The following MAP7D1 variants were observed in gnomAD, a reference collection of about 807,000 sequenced individuals.
MAP7D1 encodes MAP7 domain-containing protein 1.
In MAP7D1, 30 loss-of-function variants were observed where a neutral mutation model predicts 97.5. The observed-to-expected ratio is 0.31, with a 90% CI of 0.23 to 0.42. The LOEUF (loss-of-function observed/expected upper bound fraction) is 0.42, where lower values mean the gene tolerates loss of function less well. Ranked by LOEUF, MAP7D1 falls within the 10% of genes least tolerant of loss-of-function variation. The pLI is 1.00. For synonymous variants in MAP7D1, 536 were observed against 477.1 expected, an observed-to-expected ratio of 1.12 and a Z score of -1.61; for missense variants, 1,184 against 1,179.5, an observed-to-expected ratio of 1.00 and a Z score of -0.06.
In MAP7D1 at chr1:36,171,073, A is replaced by T; in HGVS notation, c.149A>T (p.Asp50Val). 1 of 1,374,764 alleles carries T rather than the reference A, an allele frequency of 7.3e-7. No individual in the cohort carries two copies. Among genetic ancestry groups the T allele is most frequent in the Non-Finnish European group, 9.7e-7 (1 of 1,033,192 alleles). 85.2% of individuals were successfully genotyped at this position (1,374,764 alleles called of 1,614,324 possible). A position where few individuals can be genotyped will look rare whatever the true frequency, so the allele number is the denominator to read the frequency against. Residue 50 changes from aspartate (D) to valine (V), a missense_variant, in exon 2 of 17, where the codon GAC becomes GTC. Asp to Val is a radical substitution (Grantham distance 152). Transcript: ENST00000474796. The part of the protein sequence containing the change: ...MSALVPDTPP[D>V]TPPAMKNATS... The stretch of plus-strand genomic sequence containing the variant: ...GCCCTGGTCCCCGACACTCCCCCGG[A>T]CACCCCTCCTGCCATGAAGAATGCC...
chr1:36,177,572 C>T, intron 8 of MAP7D1: 1 of 665,732 alleles, frequency 1.5e-6, no homozygotes, highest in African/African-American at 1.8e-5. Context: ...ATGGACCTGT[C>T]AGGTAGCACT....
intron 1 of MAP7D1, among the ~76,000 whole-genome samples, chr1:36,164,508 G>A (rs1644450676): frequency 6.6e-6 from 1 of 152,208 alleles, no homozygotes. Flanking sequence ...GGGCAAATAG[G>A]AGTTAGCTAA....
chr1:36,156,538 C>T, intron 1 of MAP7D1, 75 bp downstream of exon 1: 1 of 1,244,516 alleles, frequency 8.0e-7, no homozygotes. Flanking sequence ...TGAGGCCGGC[C>T]GGCTGGGCGG....
Position 36,178,489 on chromosome 1 carries a change from C to T in MAP7D1, c.1779C>T (p.Thr593=). The T allele has an allele frequency of 1.9e-6, 3 of 1,611,072 alleles. No homozygotes were observed. Among genetic ancestry groups the T allele is most frequent in the Non-Finnish European group, 2.5e-6 (3 of 1,179,190 alleles). Residue 593 remains threonine, a synonymous_variant, in exon 10 of 17, where the codon ACC becomes ACT. Transcript: ENST00000474796. Reference sequence around the variant, plus strand: ...CCCCTAGCAAACCAATGGCCGGCACCACAGACCGAGAAGAAGCCACTCGGC... The same window carrying T: ...CCCCTAGCAAACCAATGGCCGGCACTACAGACCGAGAAGAAGCCACTCGGC... ...PVTPSKPMAG[T]TDREEATRLL... is the part of the protein sequence containing the mutation.
intron 1 of MAP7D1, among the ~76,000 whole-genome samples, chr1:36,158,553 T>G (rs1474135032): frequency 2.0e-5 from 3 of 152,066 alleles, no homozygotes; most frequent in African/African-American, 7.2e-5. Context: ...TACTGGCTAC[T>G]GGACTGGAGC....
Position 36,176,354 on chromosome 1 carries a change from T to G in MAP7D1, c.1006T>G (p.Trp336Gly). 1 of 1,525,936 alleles carries G rather than the reference T, an allele frequency of 6.6e-7. No homozygotes were observed. Among genetic ancestry groups the G allele is most frequent in the South Asian group, 1.2e-5 (1 of 82,824 alleles). The allele number at this position is 1,525,936 out of a possible 1,614,324, so 94.5% of individuals were successfully genotyped here. A position where few individuals can be genotyped will look rare whatever the true frequency, so the allele number is the denominator to read the frequency against. The part of the protein sequence containing the change: ...RGCDPGRGPT[W>G]GRAGASLARG... ...CTGCGACCCTGGGAGAGGCCCCACG[T>G]GGGGCCGGGCAGGGGCCAGCCTGGC... Residue 336 changes from tryptophan (W) to glycine (G), a missense_variant, in exon 7 of 17, where the codon TGG becomes GGG. By Grantham distance (184) the Trp-to-Gly change is radical (BLOSUM62 -2). Coordinates refer to ENST00000474796, the MANE Select transcript of MAP7D1 (RefSeq NM_001388490.1). The surrounding 1 kb of genome is among the most constrained non-coding windows in gnomAD (Gnocchi z 6.1).
chr1:36,156,706 C>T (rs1216803897), intron 1 of MAP7D1, among the ~76,000 whole-genome samples: 1 of 152,054 alleles, frequency 6.6e-6, no homozygotes, highest in Non-Finnish European at 1.5e-5. Flanking sequence ...AGGGACCCCG[C>T]GCGGGAGTTG....
Position 36,171,665 on chromosome 1 carries a change from G to T in MAP7D1, c.460+84G>T. 6 of 1,448,460 alleles carry T rather than the reference G, an allele frequency of 4.1e-6. No individual in the cohort carries two copies. The Admixed American group carries it at 1.1e-4, about 26-fold the overall frequency. 89.7% of individuals were successfully genotyped at this position (1,448,460 alleles called of 1,614,324 possible). On this transcript the variant is annotated intron_variant, in intron 3 of 16. Transcript: ENST00000474796. Reference sequence around the variant, plus strand: ...AACACCAACAGGCTGGGGCGCAGTGGCTCACGCCTGTAATCCCAGCACTTT... The same window carrying T: ...AACACCAACAGGCTGGGGCGCAGTGTCTCACGCCTGTAATCCCAGCACTTT...
intron 12 of MAP7D1, 37 bp downstream of exon 12, chr1:36,179,062 TGGGCAGGGCGGGCCAG>T: frequency 3.8e-6 from 2 of 522,664 alleles, no homozygotes; most frequent in Non-Finnish European, 6.1e-6. Context: ...GGGCGGGGCC[TGGGCAGGGCGGGCCAG>T]GTGGGCGGGG....
At chr1:36,162,402 T>C (rs990018304) in intron 1 of MAP7D1, among the ~76,000 whole-genome samples, 18 of 152,220 alleles carry the variant, frequency 1.2e-4, no homozygotes, top group Admixed American at 6.5e-5. Context: ...ATCACTTCCT[T>C]CTTCAGAGAA....
At chr1:36,179,055 C>A in intron 12 of MAP7D1, 30 bp downstream of exon 12, 2 of 392,296 alleles carry the variant, frequency 5.1e-6, no homozygotes, top group Non-Finnish European at 8.9e-6. Flanking sequence ...GATTTGTGGG[C>A]GGGGCCTGGG....
At chr1:36,164,813 G>A (rs1557772956) in intron 1 of MAP7D1, among the ~76,000 whole-genome samples, 1 of 152,244 alleles carries the variant, frequency 6.6e-6, no homozygotes, top group Admixed American at 6.5e-5. Context: ...AATGGGTACA[G>A]GCGAGCAGTG....
intron 5 of MAP7D1, 53 bp from the exon 6 acceptor site, chr1:36,174,845 C>A: frequency 2.7e-6 from 3 of 1,094,854 alleles, no homozygotes; most frequent in Non-Finnish European, 4.2e-6. Flanking sequence ...CTCGGTGCCC[C>A]CCACTGGCTC....
At chr1:36,174,599 G>A (rs1644591289) in intron 5 of MAP7D1, among the ~76,000 whole-genome samples, 1 of 152,174 alleles carries the variant, frequency 6.6e-6, no homozygotes, top group Non-Finnish European at 1.5e-5. Flanking sequence ...AGGGGTTGCA[G>A]TACTCAGCCG....
chr1:36,178,681 C>A lies in MAP7D1; in HGVS notation c.1887-4C>A. On this transcript the variant is annotated splice_polypyrimidine_tract_variant and splice_region_variant and intron_variant, in intron 10 of 16. Transcript: ENST00000474796. ...GAGCCTGAGCCGTTTGCTCCGTCCC[C>A]CAGGCGAATGCGAGAGGAGCAGCTG... 1 of 1,530,036 alleles carries A rather than the reference C, an allele frequency of 6.5e-7. No homozygotes were observed. The highest frequency in any genetic ancestry group is 8.8e-7 in the Non-Finnish European group (1 of 1,138,646). The allele number at this position is 1,530,036 out of a possible 1,614,324, so 94.8% of individuals were successfully genotyped here. A position where few individuals can be genotyped will look rare whatever the true frequency, so the allele number is the denominator to read the frequency against.
chr1:36,176,413 T>A lies in MAP7D1; in HGVS notation c.1065T>A (p.Ser355=). 6.5e-7 allele frequency: 1 copy of A among 1,533,178 alleles called. No homozygotes were observed. Among genetic ancestry groups the A allele is most frequent in the South Asian group, 1.2e-5 (1 of 84,106 alleles). 95.0% of individuals were successfully genotyped at this position (1,533,178 alleles called of 1,614,324 possible). ...CGCAACCCGACCGCACTCATCCCTCTGCAGCCGTGCCGGTGTGCCCGCGCT... is the reference window on the plus strand; with the variant it reads ...CGCAACCCGACCGCACTCATCCCTCAGCAGCCGTGCCGGTGTGCCCGCGCT... The part of the protein sequence containing the change: ...RGPQPDRTHP[S]AAVPVCPRSA... Residue 355 remains serine (S), a synonymous_variant, in exon 7 of 17, where the codon TCT becomes TCA. Coordinates refer to ENST00000474796, the MANE Select transcript of MAP7D1 (RefSeq NM_001388490.1). The surrounding 1 kb of genome is among the most constrained non-coding windows in gnomAD (Gnocchi z 6.1).
chr1:36,180,209 C>A, intron 16 of MAP7D1, 39 bp from the exon 17 acceptor site: 1 of 1,614,016 alleles, frequency 6.2e-7, no homozygotes, highest in Non-Finnish European at 8.5e-7. Flanking sequence ...GGCTTGAGTG[C>A]TGTTTGCCCT....
chr1:36,166,324 G>A (rs965889682), intron 1 of MAP7D1, among the ~76,000 whole-genome samples: 3 of 151,934 alleles, frequency 2.0e-5, no homozygotes, highest in Non-Finnish European at 1.5e-5. Flanking sequence ...GATGACTTTG[G>A]CTTTTTCTTC....
At position 36,159,346 on chromosome 1, in the gene MAP7D1, A is replaced by AC. The variant is rs1644378675; in HGVS notation, c.46+2888dup. On this transcript the variant is annotated intron_variant, in intron 1 of 16. Transcript: ENST00000474796. The surrounding 1 kb of genome is among the most constrained non-coding windows in gnomAD (Gnocchi z 5.4). The stretch of plus-strand genomic sequence containing the variant: ...GCTGGGATTACAGGCGTGAGCCACC[A>AC]CCCCCAGCCTAGCTATTTGTTTTTT... Among the ~76,000 whole-genome samples the AC allele has an allele frequency of 1.3e-5, 2 of 151,856 alleles. No homozygotes were observed. The highest frequency in any genetic ancestry group is 4.8e-5 in the African/African-American group (2 of 41,308).
Sources: allele counts gnomAD v4.1 joint callset (sites outside exome capture counted in the v4.1 genomes callset), GRCh38; gene constraint gnomAD v4.1.1; non-coding constraint Gnocchi (gnomAD v3.1); transcripts MANE v1.5; gene names NCBI Gene and HGNC (gene_info 2026-07-23, HGNC 2026-07-21).